ZNF442: variants seen among roughly 807,000 people sequenced by gnomAD.
ZNF442 encodes the protein zinc finger protein 442.
A neutral mutation model predicts 57.0 loss-of-function variants in ZNF442; 45 were observed. The observed-to-expected ratio is 0.79, with a 90% CI of 0.62 to 1.01. The LOEUF (loss-of-function observed/expected upper bound fraction) is 1.01. ZNF442 is among the 50% of genes least tolerant of loss of function. ZNF442 has a pLI of 0.00. For synonymous variants in ZNF442, 213 were observed against 241.8 expected, an observed-to-expected ratio of 0.88 and a Z score of 1.10; for missense variants, 690 against 756.5, an observed-to-expected ratio of 0.91 and a Z score of 1.03.
At chr19:12,351,484 T>C (rs1969237640) in intron 5 of ZNF442, among the ~76,000 whole-genome samples, 166 bp from the exon 6 acceptor site, 1 of 152,190 alleles carries the variant, frequency 6.6e-6, no homozygotes, top group Non-Finnish European at 1.5e-5. Flanking sequence ...CGACCCCAGC[T>C]GTTTTCTTGA....
At position 12,350,693 on chromosome 19, in the gene ZNF442, A is replaced by G; in HGVS notation, c.892T>C (p.Cys298Arg). ...CTGGAAACACTGAAGGCTCTTCCAC[A>G]TCGTTTACATTTATAGGGTTTTTCT... ...TGEKPYKCKR[C>R]GRAFSVSSSL... The change falls in exon 6 of 6, where the codon TGT becomes CGT. Residue 298 changes from cysteine to arginine, a missense_variant. Cys to Arg is a radical substitution (Grantham distance 180). Transcript: ENST00000242804. 3 of 1,613,784 alleles carry G rather than the reference A, an allele frequency of 1.9e-6. No homozygotes were observed. The highest frequency in any genetic ancestry group is 2.2e-5 in the East Asian group (1 of 44,812).
rs1367439914 is a variant in ZNF442, at chr19:12,350,347, G to C, written c.1238C>G (p.Ala413Gly). Residue 413 changes from alanine (A) to glycine (G), a missense_variant, in exon 6 of 6, where the codon GCC (alanine) becomes GGC (glycine). Transcript: ENST00000242804. Reference sequence around the variant, plus strand: ...TTGAAATACACTGGGATAAATGAAGGCTTTCCCACATACCTTGCATTTGTG... The same window carrying C: ...TTGAAATACACTGGGATAAATGAAGCCTTTCCCACATACCTTGCATTTGTG... ...GPHKCKVCGK[A>G]FIYPSVFQGH... 1 of 1,613,898 alleles carries C rather than the reference G, an allele frequency of 6.2e-7. No individual in the cohort carries two copies. Among genetic ancestry groups the C allele is most frequent in the Admixed American group, 1.7e-5 (1 of 60,002 alleles).
chr19:12,347,039 G>C lies in ZNF442; in HGVS notation c.*2662C>G, dbSNP rs546406849. ...TCCCTTCCTTTGTGTATTCTAGTTT[G>C]TACCAGCACTGTAAGAGGCTTCCAG... On this transcript the variant is annotated 3_prime_UTR_variant, in exon 6 of 6. Coordinates refer to ENST00000242804, the MANE Select transcript of ZNF442 (RefSeq NM_030824.3). 11 of 152,296 alleles carry C rather than the reference G, an allele frequency of 7.2e-5. No individual in the cohort carries two copies. In the East Asian group the frequency reaches 2.1e-3, roughly 29 times the overall value. 9.4% of individuals were successfully genotyped at this position (152,296 alleles called of 1,614,324 possible).
At chr19:12,352,162 CATT>C in intron 4 of ZNF442, 92 bp from the exon 5 acceptor site, 28 of 1,216,042 alleles carry the variant, frequency 2.3e-5, no homozygotes, top group Non-Finnish European at 3.3e-5. Flanking sequence ...ATGCATGATT[CATT>C]CACTGAATTG....
chr19:12,355,343 CTTTTTCAGATTTAATGAGAATT>C (rs1568488217), intron 3 of ZNF442, among the ~76,000 whole-genome samples: 2 of 146,472 alleles, frequency 1.4e-5, no homozygotes, highest in African/African-American at 5.0e-5. Context: ...GTAACAAGGT[CTTTTTCAGATTTAATGAGAATT>C]TTTTTTTTTT....
At position 12,365,536 on chromosome 19, in the gene ZNF442, T is replaced by C; in HGVS notation, c.-486A>G. ...ACGCCGGGCCCCGCACACTCACCAT[T>C]TCCCGGCTTCCGCGGTGTCCCGTGT... On this transcript the variant is annotated 5_prime_UTR_variant, in exon 1 of 6. Transcript: ENST00000242804. The C allele has an allele frequency of 1.8e-6, 1 of 564,842 alleles. No homozygotes were observed. The allele number at this position is 564,842 out of a possible 1,614,324, so 35.0% of individuals were successfully genotyped here.
At chr19:12,351,668 G>A in intron 5 of ZNF442, 1 of 306,284 alleles carries the variant, frequency 3.3e-6, no homozygotes, top group African/African-American at 2.2e-5. Flanking sequence ...ACCACGCCCA[G>A]CTAATTTTTG....
Position 12,350,887 on chromosome 19 carries a change from C to T in ZNF442, c.698G>A (p.Gly233Glu). 1 of 1,614,148 alleles carries T rather than the reference C, an allele frequency of 6.2e-7. No individual in the cohort carries two copies. The highest frequency in any genetic ancestry group is 8.5e-7 in the Non-Finnish European group (1 of 1,180,020). ...CTGCTTACATTCATACGGTTTCTCT[C>T]CAGTGTGAGTTCTTTCATGCATACG... ...LFRMHERTHT[G>E]EKPYECKQCC... The change falls in exon 6 of 6, where the codon GGA becomes GAA. Residue 233 changes from glycine to glutamate, a missense_variant. By Grantham distance (98) the Gly-to-Glu change is moderately conservative. Coordinates refer to ENST00000242804, the MANE Select transcript of ZNF442 (RefSeq NM_030824.3).
chr19:12,356,601 T>C (rs1969333287), intron 3 of ZNF442, among the ~76,000 whole-genome samples: 1 of 148,250 alleles, frequency 6.7e-6, no homozygotes, highest in East Asian at 1.9e-4. Context: ...CACTCCAGCC[T>C]GGGCAACAAG....
chr19:12,351,040 T>C lies in ZNF442; in HGVS notation c.545A>G (p.Asp182Gly), dbSNP rs753411248. Residue 182 changes from aspartate to glycine, a missense_variant, in exon 6 of 6, where the codon GAT becomes GGT. Asp to Gly is a moderately conservative substitution (Grantham distance 94). Coordinates refer to ENST00000242804, the MANE Select transcript of ZNF442 (RefSeq NM_030824.3). ...ERPHTGKKRY[D>G]CKECGKTFSS... ...GAAGGTTTTCCCACATTCCTTACAA[T>C]CATAGCGTTTCTTTCCAGTGTGAGG... The C allele has an allele frequency of 7.4e-6, 12 of 1,614,030 alleles. No individual in the cohort carries two copies. In the Admixed American group the frequency reaches 2.0e-4, roughly 27 times the overall value.
At position 12,363,559 on chromosome 19, in the gene ZNF442, G is replaced by A. The variant is rs759842175; in HGVS notation, c.73C>T (p.Gln25Ter). 3.7e-6 allele frequency: 6 copies of A among 1,613,934 alleles called. No individual in the cohort carries two copies. The Admixed American group carries it at 8.3e-5, about 22-fold the overall frequency. The change falls in exon 3 of 6, where the codon CAA becomes TAA. Residue 25 changes from glutamine (Q) to a stop codon, truncating the protein, a stop_gained. Transcript: ENST00000242804. LOFTEE classifies it high-confidence loss of function. Reference protein sequence around the residue: ...PDSQTNEERKQYDSVAFEDVA... With the variant: ...PDSQTNEERK The stretch of plus-strand genomic sequence containing the variant: ...GTGGGTTCTCCAGTGCTTACATATT[G>A]TTTTCTCTCTTCATTAGTCTGAGAG...
upstream of ZNF442, chr19:12,365,850 A>T (rs1439405011): frequency 1.3e-5 from 2 of 155,310 alleles, no homozygotes; most frequent in Non-Finnish European, 2.9e-5. Context: ...AGCCCTTGAT[A>T]GGGTGGGCTT....
intron 3 of ZNF442, among the ~76,000 whole-genome samples, chr19:12,362,816 C>T (rs1337559646): frequency 2.7e-5 from 4 of 150,694 alleles, no homozygotes; most frequent in Non-Finnish European, 5.9e-5. Context: ...GTTGTTGTGT[C>T]TGTGTAGAAA....
intron 3 of ZNF442, 80 bp from the exon 4 acceptor site, chr19:12,353,194 A>G (rs1969273748): frequency 2.1e-6 from 3 of 1,442,266 alleles, no homozygotes; most frequent in South Asian, 1.5e-5. Context: ...TAAACTTTGC[A>G]TACTATTATT....
upstream of ZNF442, among the ~76,000 whole-genome samples, chr19:12,368,384 C>T (rs571656358): frequency 6.6e-6 from 1 of 152,284 alleles, no homozygotes; most frequent in South Asian, 2.1e-4. Flanking sequence ...GCAGTAAAGA[C>T]AGGCGTAAGA....
chr19:12,356,616 A>C (rs1384896332), intron 3 of ZNF442, among the ~76,000 whole-genome samples: 1 of 148,672 alleles, frequency 6.7e-6, no homozygotes, highest in Non-Finnish European at 1.5e-5. Context: ...AACAAGAGTG[A>C]AACTCCGTCT....
At chr19:12,359,086 A>G (rs1969381500) in intron 3 of ZNF442, among the ~76,000 whole-genome samples, 1 of 152,212 alleles carries the variant, frequency 6.6e-6, no homozygotes, top group Non-Finnish European at 1.5e-5. Context: ...CTTGGCTGAC[A>G]TTACCCACCC....
At chr19:12,371,538 T>TCATA in the ZNF442 span, among the ~76,000 whole-genome samples, 1 of 152,330 alleles carries the variant, frequency 6.6e-6, no homozygotes, top group African/African-American at 2.4e-5. Flanking sequence ...ACTAGTTCAT[T>TCATA]ACTGTGTTGA....
intron 5 of ZNF442, chr19:12,351,802 C>T (rs558856499): frequency 3.1e-5 from 15 of 481,924 alleles, no homozygotes; most frequent in African/African-American, 2.4e-4. Flanking sequence ...CGTGCCCAGC[C>T]GAATTCTTAA....
Sources: allele counts gnomAD v4.1 joint callset (sites outside exome capture counted in the v4.1 genomes callset), GRCh38; gene constraint gnomAD v4.1.1; transcripts MANE v1.5; gene names NCBI Gene and HGNC (gene_info 2026-07-23, HGNC 2026-07-21).